SH3GL2: variants seen among roughly 807,000 people sequenced by gnomAD.
The protein encoded by SH3GL2 is endophilin-A1.
SH3GL2 carries 24 observed loss-of-function variants against 46.0 expected under a neutral mutation model. The observed-to-expected ratio is 0.52, with a 90% CI of 0.38 to 0.73. SH3GL2 has a LOEUF of 0.73. Among genes scored for constraint, SH3GL2 ranks in the 30% least tolerant of loss-of-function variants. SH3GL2 has a pLI of 0.00. For missense variants in SH3GL2, 413 were observed against 424.2 expected (o/e 0.97, Z 0.23); for synonymous variants, 196 against 147.1 (o/e 1.33, Z -2.40).
At chr9:17,700,926 T>C (rs1480888669) in intron 1 of SH3GL2, among the ~76,000 whole-genome samples, 1 of 152,192 alleles carries the variant, frequency 6.6e-6, no homozygotes, top group Non-Finnish European at 1.5e-5. Flanking sequence ...GAAGAACTCA[T>C]CTCAAAGCCT....
At chr9:17,701,529 C>G (rs1821342297) in intron 1 of SH3GL2, among the ~76,000 whole-genome samples, 1 of 151,998 alleles carries the variant, frequency 6.6e-6, no homozygotes, top group Admixed American at 6.6e-5. Flanking sequence ...AAAATAATTA[C>G]CGTCATTCGA....
chr9:17,626,714 C>G (rs1412796207), intron 1 of SH3GL2, among the ~76,000 whole-genome samples: 1 of 152,108 alleles, frequency 6.6e-6, no homozygotes, highest in Non-Finnish European at 1.5e-5. Context: ...GGAATGGCTC[C>G]CATAGCTTTC....
chr9:17,735,568 C>G (rs1219004174), intron 1 of SH3GL2: 1 of 152,128 alleles, frequency 6.6e-6, no homozygotes, highest in Admixed American at 6.6e-5. Context: ...GGGATGTGAG[C>G]CCTGCCTATG....
chr9:17,692,044 G>A (rs888877139), intron 1 of SH3GL2, among the ~76,000 whole-genome samples: 5 of 152,164 alleles, frequency 3.3e-5, no homozygotes, highest in Non-Finnish European at 5.9e-5. Flanking sequence ...CATGACCTGT[G>A]TGCACATTTA....
intron 2 of SH3GL2, chr9:17,755,802 A>G (rs1168095271): frequency 5.1e-6 from 5 of 983,964 alleles, no homozygotes; most frequent in Non-Finnish European, 6.0e-6. Context: ...ACCTAAGTTC[A>G]GGAAATACCA....
intron 1 of SH3GL2, among the ~76,000 whole-genome samples, chr9:17,622,225 TA>T (rs1242770458): frequency 6.6e-6 from 1 of 152,070 alleles, no homozygotes; most frequent in Non-Finnish European, 1.5e-5. Flanking sequence ...GGTGGTACAT[TA>T]AAAAAAAGTT....
At chr9:17,679,642 C>A (rs868750366) in intron 1 of SH3GL2, among the ~76,000 whole-genome samples, 1 of 152,108 alleles carries the variant, frequency 6.6e-6, no homozygotes, top group African/African-American at 2.4e-5. Flanking sequence ...CCTGATTGCC[C>A]TGGCCAGAAC....
intron 1 of SH3GL2, among the ~76,000 whole-genome samples, chr9:17,663,476 C>T (rs1820271079): frequency 1.3e-5 from 2 of 152,230 alleles, no homozygotes; most frequent in Middle Eastern, 3.4e-3. Flanking sequence ...ATTAATTTTA[C>T]AAAAGATGTA....
intron 1 of SH3GL2, among the ~76,000 whole-genome samples, chr9:17,628,450 G>A (rs1342468041): frequency 7.0e-6 from 1 of 143,844 alleles, no homozygotes; most frequent in Non-Finnish European, 1.5e-5. Context: ...GTGTGTGTGT[G>A]TGTATGTGCA....
At chr9:17,641,572 T>A (rs1168869780) in intron 1 of SH3GL2, among the ~76,000 whole-genome samples, 1 of 152,296 alleles carries the variant, frequency 6.6e-6, no homozygotes, top group East Asian at 1.9e-4. Flanking sequence ...GTATTTCTTC[T>A]AATGCTATCC....
intron 1 of SH3GL2, among the ~76,000 whole-genome samples, chr9:17,728,918 T>C (rs982604288): frequency 6.6e-6 from 1 of 152,166 alleles, no homozygotes; most frequent in Non-Finnish European, 1.5e-5. Context: ...TTACTGTGAA[T>C]ACTGTGGCAA....
At chr9:17,704,399 C>T (rs752299532) in intron 1 of SH3GL2, among the ~76,000 whole-genome samples, 2 of 151,700 alleles carry the variant, frequency 1.3e-5, no homozygotes, top group South Asian at 2.1e-4. Context: ...CCATTCCTAT[C>T]AAATTACCAA....
intron 1 of SH3GL2, among the ~76,000 whole-genome samples, chr9:17,654,147 C>A (rs1414336164): frequency 2.0e-5 from 3 of 152,120 alleles, no homozygotes; most frequent in Non-Finnish European, 2.9e-5. Context: ...GATCATCTTT[C>A]CCAGTTGGAA....
intron 1 of SH3GL2, among the ~76,000 whole-genome samples, chr9:17,637,532 G>C (rs1819568192): frequency 6.6e-6 from 1 of 152,184 alleles, no homozygotes; most frequent in African/African-American, 2.4e-5. Context: ...TCATATAAAA[G>C]ACAGAATTCC....
intron 1 of SH3GL2, among the ~76,000 whole-genome samples, chr9:17,739,336 G>A (rs1244004422): frequency 6.6e-6 from 1 of 151,182 alleles, no homozygotes; most frequent in Non-Finnish European, 1.5e-5. Context: ...TTTTTCTCAA[G>A]GGGATTTATG....
At chr9:17,598,134 A>C (rs1399711812) in intron 1 of SH3GL2, among the ~76,000 whole-genome samples, 1 of 152,192 alleles carries the variant, frequency 6.6e-6, no homozygotes, top group East Asian at 1.9e-4. Flanking sequence ...TCTTTTCAGT[A>C]TGTAGAAAGG....
chr9:17,622,986 G>GTTTCGTTTCC (rs1819181801), intron 1 of SH3GL2, among the ~76,000 whole-genome samples: 1 of 99,352 alleles, frequency 1.0e-5, no homozygotes, highest in Non-Finnish European at 2.0e-5. Context: ...GTTTCCTTTC[G>GTTTCGTTTCC]TTTCCTTTCC....
intron 2 of SH3GL2, among the ~76,000 whole-genome samples, chr9:17,750,364 A>T (rs1288482550): frequency 6.6e-6 from 1 of 152,054 alleles, no homozygotes; most frequent in African/African-American, 2.4e-5. Context: ...TTCAAGCAGC[A>T]TTACTGGGAG....
intron 2 of SH3GL2, among the ~76,000 whole-genome samples, chr9:17,759,318 A>G (rs536895740): frequency 2.2e-4 from 33 of 152,160 alleles, no homozygotes; most frequent in Non-Finnish European, 4.0e-4. Flanking sequence ...TAAAAACAGA[A>G]TATGGGATGG....
Sources: allele counts gnomAD v4.1 joint callset (sites outside exome capture counted in the v4.1 genomes callset), GRCh38; gene constraint gnomAD v4.1.1; transcripts MANE v1.5; gene names NCBI Gene and HGNC (gene_info 2026-07-23, HGNC 2026-07-21).